Variants in TAFA4 observed in about 807,000 individuals in gnomAD.
TAFA4 encodes TAFA chemokine like family member 4.
In TAFA4, 20 loss-of-function variants were observed where a neutral mutation model predicts 21.1. That is an observed-to-expected ratio of 0.95 (90% CI 0.67 to 1.38). The LOEUF (loss-of-function observed/expected upper bound fraction) is 1.38. Ranked by LOEUF, TAFA4 falls within the 40% of genes most tolerant of loss-of-function variation. TAFA4 has a pLI of 0.00. For missense variants in TAFA4, 211 were observed against 180.9 expected (o/e 1.17, Z -0.95); for synonymous variants, 71 against 67.4 (o/e 1.05, Z -0.26).
rs142857030 is a variant in TAFA4 at position 68,845,228 on chromosome 3, C to T, written c.130+35502G>A. Among the ~76,000 whole-genome samples the T allele has an allele frequency of 6.9e-3, 1,051 of 152,074 alleles. 13 individuals are homozygous for T. Among genetic ancestry groups the T allele is most frequent in the African/African-American group, 0.024 (1,014 of 41,482 alleles). ...GTTCATATATATTTAGGATAATTAGCTTTTCTTGTTGCATTGATCCCTTTA... is the reference window on the plus strand; with the variant it reads ...GTTCATATATATTTAGGATAATTAGTTTTTCTTGTTGCATTGATCCCTTTA... On this transcript the variant is annotated intron_variant, in intron 3 of 5. Transcript: ENST00000295569.
intron 3 of TAFA4, among the ~76,000 whole-genome samples, chr3:68,783,955 A>G (rs1439198565): frequency 2.6e-5 from 4 of 152,192 alleles, no homozygotes; most frequent in Non-Finnish European, 1.5e-5. Context: ...AAAAAAGGTC[A>G]AAACACAAAT....
At chr3:68,852,263 G>A (rs963430963) in intron 3 of TAFA4, among the ~76,000 whole-genome samples, 2 of 152,128 alleles carry the variant, frequency 1.3e-5, no homozygotes, top group Non-Finnish European at 2.9e-5. Flanking sequence ...TAAAGGAGGA[G>A]TGGCTGACAG....
chr3:68,839,084 C>T (rs867431147), intron 3 of TAFA4, among the ~76,000 whole-genome samples: 11 of 152,094 alleles, frequency 7.2e-5, no homozygotes, highest in African/African-American at 1.9e-4. Context: ...GGAGACAGAG[C>T]GAGACCTTGT....
chr3:68,861,089 C>T (rs978790427), intron 3 of TAFA4, among the ~76,000 whole-genome samples: 1 of 147,166 alleles, frequency 6.8e-6, no homozygotes, highest in Non-Finnish European at 1.5e-5. Flanking sequence ...CAGGAAAATT[C>T]CTGAACAGTT....
intron 1 of TAFA4, among the ~76,000 whole-genome samples, chr3:68,910,004 G>C (rs1177204254): frequency 6.6e-6 from 1 of 152,148 alleles, no homozygotes; most frequent in Non-Finnish European, 1.5e-5. Context: ...AGCTTCAGGG[G>C]TTTTTGCTGG....
At chr3:68,911,315 C>T (rs774879050) in intron 1 of TAFA4, among the ~76,000 whole-genome samples, 6 of 152,234 alleles carry the variant, frequency 3.9e-5, no homozygotes, top group Non-Finnish European at 7.3e-5. Flanking sequence ...ACATCAACCA[C>T]AGAAAGGTGC....
At chr3:68,844,885 G>A (rs1337969293) in intron 3 of TAFA4, among the ~76,000 whole-genome samples, 1 of 152,184 alleles carries the variant, frequency 6.6e-6, no homozygotes, top group Non-Finnish European at 1.5e-5. Flanking sequence ...CTGAGAGAAT[G>A]TTTGTTATGA....
At chr3:68,803,383 G>A (rs894100551) in intron 3 of TAFA4, among the ~76,000 whole-genome samples, 5 of 152,164 alleles carry the variant, frequency 3.3e-5, no homozygotes, top group East Asian at 1.9e-4. Flanking sequence ...ACAAGAGTCC[G>A]ACATCCACTG....
intron 3 of TAFA4, among the ~76,000 whole-genome samples, chr3:68,754,582 T>C (rs1019042518): frequency 3.3e-5 from 5 of 152,208 alleles, no homozygotes; most frequent in Non-Finnish European, 7.3e-5. Context: ...GCTACTACCT[T>C]TAATTAAATG....
At chr3:68,822,100 A>C (rs541476991) in intron 3 of TAFA4, among the ~76,000 whole-genome samples, 1 of 152,184 alleles carries the variant, frequency 6.6e-6, no homozygotes, top group Non-Finnish European at 1.5e-5. Context: ...TGTGGCTGCC[A>C]CAGCTGTCTT....
chr3:68,917,594 A>G (rs2090015575), intron 1 of TAFA4, among the ~76,000 whole-genome samples: 3 of 151,838 alleles, frequency 2.0e-5, no homozygotes, highest in Admixed American at 2.0e-4. Flanking sequence ...CTCTACTACA[A>G]ATACAAAAAA....
intron 5 of TAFA4, 108 bp from the exon 6 acceptor site, chr3:68,733,261 G>A: frequency 7.1e-7 from 1 of 1,400,304 alleles, no homozygotes; most frequent in Non-Finnish European, 9.7e-7. Context: ...TTATCAGTTT[G>A]TACATTTACC....
At chr3:68,848,370 G>T (rs1243686003) in intron 3 of TAFA4, among the ~76,000 whole-genome samples, 1 of 152,180 alleles carries the variant, frequency 6.6e-6, no homozygotes, top group Non-Finnish European at 1.5e-5. Flanking sequence ...AGATAGCTAT[G>T]TATCAACGAA....
chr3:68,786,051 G>C (rs1406459461), intron 3 of TAFA4, among the ~76,000 whole-genome samples: 2 of 152,174 alleles, frequency 1.3e-5, no homozygotes, highest in African/African-American at 4.8e-5. Flanking sequence ...ACTACGTTAA[G>C]TCCCCACAAT....
chr3:68,832,249 G>T (rs1179990838), intron 3 of TAFA4, among the ~76,000 whole-genome samples: 1 of 152,184 alleles, frequency 6.6e-6, no homozygotes, highest in Non-Finnish European at 1.5e-5. Context: ...TCCTTTGGAG[G>T]AAAAGAGGCC....
At chr3:68,787,694 G>A (rs955711502) in intron 3 of TAFA4, among the ~76,000 whole-genome samples, 10 of 152,280 alleles carry the variant, frequency 6.6e-5, no homozygotes, top group South Asian at 2.1e-4. Flanking sequence ...CTAGTCATTC[G>A]CTATGGTACA....
chr3:68,867,605 A>T (rs764920514), intron 3 of TAFA4, among the ~76,000 whole-genome samples: 1 of 152,130 alleles, frequency 6.6e-6, no homozygotes, highest in Non-Finnish European at 1.5e-5. Context: ...CAAATCTATC[A>T]AAAGTAACAA....
intron 1 of TAFA4, among the ~76,000 whole-genome samples, chr3:68,900,918 C>T (rs2089839054): frequency 6.6e-6 from 1 of 152,178 alleles, no homozygotes; most frequent in African/African-American, 2.4e-5. Context: ...ATCCCCAGCC[C>T]CCATCAAACC....
chr3:68,854,689 C>T (rs992345618), intron 3 of TAFA4, among the ~76,000 whole-genome samples: 1 of 151,428 alleles, frequency 6.6e-6, no homozygotes, highest in African/African-American at 2.4e-5. Flanking sequence ...TCACCAAGCA[C>T]CCTCTAATAC....
Sources: allele counts gnomAD v4.1 joint callset (sites outside exome capture counted in the v4.1 genomes callset), GRCh38; gene constraint gnomAD v4.1.1; transcripts MANE v1.5; gene names NCBI Gene and HGNC (gene_info 2026-07-23, HGNC 2026-07-21).